The following GOT1 variants were observed in gnomAD, a reference collection of about 807,000 sequenced individuals.
GOT1 encodes glutamic-oxaloacetic transaminase 1.
In GOT1, 25 loss-of-function variants were observed where a neutral mutation model predicts 48.2. The observed-to-expected ratio is 0.52, with a 90% CI of 0.38 to 0.72. The LOEUF (loss-of-function observed/expected upper bound fraction) is 0.72, where lower values mean the gene tolerates loss of function less well. Among genes scored for constraint, GOT1 ranks in the 30% least tolerant of loss-of-function variants. The pLI, the probability that GOT1 is intolerant of heterozygous loss-of-function variation, is 0.00. For synonymous variants in GOT1, 188 were observed against 193.8 expected (o/e 0.97, Z 0.25); for missense variants, 380 against 520.1 (o/e 0.73, Z 2.62).
At chr10:99,408,519 C>A (rs2032790242) in intron 2 of GOT1, among the ~76,000 whole-genome samples, 1 of 152,156 alleles carries the variant, frequency 6.6e-6, no homozygotes. Flanking sequence ...GAGTTTGAGA[C>A]CAGCCTGGCC....
intron 2 of GOT1, among the ~76,000 whole-genome samples, chr10:99,416,635 G>C (rs561031045): frequency 1.3e-5 from 2 of 151,726 alleles, no homozygotes; most frequent in South Asian, 4.2e-4. Context: ...CCATTGCCAA[G>C]TCAATCCTAA....
At chr10:99,402,529 T>A (rs767626941) in intron 8 of GOT1, 51 bp downstream of exon 8, 3 of 1,598,406 alleles carry the variant, frequency 1.9e-6, no homozygotes, top group Non-Finnish European at 2.6e-6. Flanking sequence ...CTGAAAGGAA[T>A]GTTGTGTGTC....
At chr10:99,402,264 A>G (rs1284586848) in intron 8 of GOT1, among the ~76,000 whole-genome samples, 1 of 152,256 alleles carries the variant, frequency 6.6e-6, no homozygotes, top group Non-Finnish European at 1.5e-5. Flanking sequence ...GAGCATTTAT[A>G]AGAACCTTTC....
chr10:99,404,698 G>A (rs7918037), intron 5 of GOT1, among the ~76,000 whole-genome samples: 1 of 152,028 alleles, frequency 6.6e-6, no homozygotes, highest in African/African-American at 2.4e-5. Flanking sequence ...TTAAGACCAT[G>A]CACATCCAAT....
At chr10:99,404,630 C>A (rs145724665) in intron 5 of GOT1, among the ~76,000 whole-genome samples, 28 of 152,150 alleles carry the variant, frequency 1.8e-4, no homozygotes, top group African/African-American at 6.0e-4. Context: ...ACTGCTCCCA[C>A]GGCCTGTCTA....
At position 99,421,322 on chromosome 10, in the gene GOT1, C is replaced by A. The variant is rs939915277; in HGVS notation, c.119-517G>T. ...GGAGAAGGAGTGGAAGAAGGCCCAC[C>A]ACTCCTCTTGTCCCAGAGGAACAGA... On this transcript the variant is annotated intron_variant, in intron 1 of 8. Transcript: ENST00000370508. 5.3e-5 allele frequency among the ~76,000 whole-genome samples: 8 copies of A among 152,290 alleles called. No individual in the cohort carries two copies. In the South Asian group the frequency reaches 1.0e-3, roughly 20 times the overall value.
At chr10:99,406,661 G>C (rs1173014194) in intron 3 of GOT1, 65 bp downstream of exon 3, 86 of 1,497,180 alleles carry the variant, frequency 5.7e-5, no homozygotes, top group Non-Finnish European at 7.2e-5. Flanking sequence ...GTGTAACCAG[G>C]GAGAGTCATG....
At position 99,406,719 on chromosome 10, in the gene GOT1, G is replaced by A; in HGVS notation, c.424+7C>T. 2 of 1,611,616 alleles carry A rather than the reference G, an allele frequency of 1.2e-6. No homozygotes were observed. Among genetic ancestry groups the A allele is most frequent in the Non-Finnish European group, 1.7e-6 (2 of 1,177,900 alleles). On this transcript the variant is annotated splice_region_variant and intron_variant, in intron 3 of 8. Coordinates refer to ENST00000370508, the MANE Select transcript of GOT1 (RefSeq NM_002079.3). ...GTTTTTCCTCTCACTTCAGCTGAAA[G>A]ACTCACCCCAGGTTGGTGAGGACAC... is the stretch of plus-strand genomic sequence containing the variant.
rs927260628 is a variant in GOT1 at position 99,397,822 on chromosome 10, G to A, written c.1103-136C>T. On this transcript the variant is annotated intron_variant, in intron 8 of 8. Coordinates refer to ENST00000370508, the MANE Select transcript of GOT1 (RefSeq NM_002079.3). This position sits in a 1 kb window ranked among gnomAD's most constrained non-coding sequence, Gnocchi z 5.4. The stretch of plus-strand genomic sequence containing the variant: ...GAAGCAAAACAAAAGGCGCTATTTT[G>A]TCCAACTGACAAACAGAAAAATATG... 2.6e-5 allele frequency: 20 copies of A among 771,148 alleles called. No individual in the cohort carries two copies. The highest frequency in any genetic ancestry group is 5.3e-4 in the Middle Eastern group (2 of 3,744). 47.8% of individuals were successfully genotyped at this position (771,148 alleles called of 1,614,324 possible).
intron 7 of GOT1, among the ~76,000 whole-genome samples, chr10:99,403,003 A>G (rs956398705): frequency 2.0e-5 from 3 of 152,350 alleles, no homozygotes; most frequent in South Asian, 2.1e-4. Context: ...AGGTGCTGCT[A>G]TAGATATTAA....
In GOT1 at chr10:99,403,495, G is replaced by A. The variant is rs1564969053; in HGVS notation, c.933C>T (p.Leu311=). ...AQGARIVAST[L]SNPELFEEWT... is the part of the protein sequence containing the mutation. Reference sequence around the variant, plus strand: ...ATTCCTCAAAGAGCTCAGGGTTAGAGAGGGTGCTGGCCACAATTCGTGCTC... The same window carrying A: ...ATTCCTCAAAGAGCTCAGGGTTAGAAAGGGTGCTGGCCACAATTCGTGCTC... Residue 311 remains leucine, a synonymous_variant, in exon 7 of 9, where the codon CTC becomes CTT. Coordinates refer to ENST00000370508, the MANE Select transcript of GOT1 (RefSeq NM_002079.3). 1.2e-5 allele frequency: 19 copies of A among 1,614,036 alleles called. No individual in the cohort carries two copies. Among genetic ancestry groups the A allele is most frequent in the Non-Finnish European group, 1.4e-5 (16 of 1,180,006 alleles).
At chr10:99,430,000 C>A (rs575284289) in intron 1 of GOT1, among the ~76,000 whole-genome samples, 1 of 152,168 alleles carries the variant, frequency 6.6e-6, no homozygotes, top group Admixed American at 6.5e-5. Flanking sequence ...CTGATTGATA[C>A]TCGGTGGTCA....
At chr10:99,409,800 A>AG (rs1451063026) in intron 2 of GOT1, among the ~76,000 whole-genome samples, 1 of 152,242 alleles carries the variant, frequency 6.6e-6, no homozygotes, top group Non-Finnish European at 1.5e-5. Flanking sequence ...ACTGAAAAAA[A>AG]TTCATTTAAC....
rs777460125 is a variant in GOT1, at chr10:99,406,151, G to C, written c.523C>G (p.Leu175Val). 6.2e-7 allele frequency: 1 copy of C among 1,606,332 alleles called. No homozygotes were observed. Among genetic ancestry groups the C allele is most frequent in the African/African-American group, 1.3e-5 (1 of 74,908 alleles). ...EKRGLDLQGF[L>V]NDLENAPEFS... The stretch of plus-strand genomic sequence containing the variant: ...AAATCACCCACCTCCAGATCATTCA[G>C]GAAGCCCTGGAGGTCCAATCCTCTC... Residue 175 changes from leucine (L) to valine (V), a missense_variant, in exon 4 of 9, where the codon CTG (leucine) becomes GTG (valine). Leu to Val is a conservative substitution (Grantham distance 32, BLOSUM62 1). Transcript: ENST00000370508.
At chr10:99,420,444 G>T (rs1209245346) in intron 2 of GOT1, 180 bp downstream of exon 2, 11 of 559,488 alleles carry the variant, frequency 2.0e-5, no homozygotes, top group Non-Finnish European at 3.1e-6. Context: ...AAGTGAAAAA[G>T]CCGTGCTTTG....
chr10:99,414,243 A>C (rs1422030473), intron 2 of GOT1, among the ~76,000 whole-genome samples: 1 of 152,222 alleles, frequency 6.6e-6, no homozygotes, highest in Admixed American at 6.5e-5. Flanking sequence ...GGGATGGAGG[A>C]AGATCTACCA....
intron 8 of GOT1, among the ~76,000 whole-genome samples, chr10:99,400,595 C>T (rs1429590716): frequency 6.6e-6 from 1 of 151,876 alleles, no homozygotes; most frequent in Non-Finnish European, 1.5e-5. Context: ...CGAGATTGCA[C>T]CGCTGTACTC....
At chr10:99,401,465 C>A (rs2032676986) in intron 8 of GOT1, among the ~76,000 whole-genome samples, 1 of 152,200 alleles carries the variant, frequency 6.6e-6, no homozygotes, top group African/African-American at 2.4e-5. Flanking sequence ...GCCAGCCACA[C>A]ATCCCTCCCT....
rs778843899 is a variant in GOT1, at chr10:99,420,682, C to A, written c.242G>T (p.Arg81Leu). 7.4e-6 allele frequency: 12 copies of A among 1,614,022 alleles called. No homozygotes were observed. The highest frequency in any genetic ancestry group is 1.0e-5 in the Non-Finnish European group (12 of 1,179,964). ...YLPILGLAEF[R>L]SCASRLALGD... ...AAGGGCAAGACGAGAAGCACAGCTC[C>A]GGAACTCAGCCAGGCCCAGGATTGG... The change falls in exon 2 of 9, where the codon CGG becomes CTG. Residue 81 changes from arginine (R) to leucine (L), a missense_variant. Coordinates refer to ENST00000370508, the MANE Select transcript of GOT1 (RefSeq NM_002079.3).
Sources: allele counts gnomAD v4.1 joint callset (sites outside exome capture counted in the v4.1 genomes callset), GRCh38; gene constraint gnomAD v4.1.1; non-coding constraint Gnocchi (gnomAD v3.1); transcripts MANE v1.5; gene names NCBI Gene and HGNC (gene_info 2026-07-23, HGNC 2026-07-21).